The following BICRA variants were observed in gnomAD, a reference collection of about 807,000 sequenced individuals.
BICRA encodes BRD4 interacting chromatin remodeling complex associated protein.
In BICRA, 31 loss-of-function variants were observed where a neutral mutation model predicts 96.9. The observed-to-expected ratio is 0.32, with a 90% CI of 0.24 to 0.43. The LOEUF (loss-of-function observed/expected upper bound fraction) is 0.43, where lower values mean the gene tolerates loss of function less well. Ranked by LOEUF, BICRA falls within the 20% of genes least tolerant of loss-of-function variation. BICRA has a pLI of 1.00. For missense variants in BICRA, 2,283 were observed against 2,190.3 expected (o/e 1.04, Z -0.84); for synonymous variants, 1,350 against 1,071.8 (o/e 1.26, Z -5.07).
intron 1 of BICRA, among the ~76,000 whole-genome samples, chr19:47,638,915 A>T (rs955642943): frequency 6.6e-6 from 1 of 152,168 alleles, no homozygotes; most frequent in Non-Finnish European, 1.5e-5. Context: ...CTGGCCTCCC[A>T]AAGTTCTGGT....
intron 1 of BICRA, among the ~76,000 whole-genome samples, chr19:47,615,017 G>A (rs1434870531): frequency 1.3e-5 from 2 of 152,104 alleles, no homozygotes; most frequent in Non-Finnish European, 2.9e-5. Context: ...GAATCTTGCT[G>A]TGTCACCCAG....
chr19:47,694,985 GC>G lies in BICRA; in HGVS notation c.2985del (p.Ala996LeufsTer50). ...TCCACCAGCCTGGGGCCCCTCACCA[GC>G]CCCGCTGCGTCTGTGCTGGTCAGTG... ...QTSTSLGPLT[S>X]PAASVLVSGQ... On this transcript the variant is annotated frameshift_variant, in exon 9 of 15. Transcript: ENST00000594866. LOFTEE classifies it high-confidence loss of function. 1 of 1,550,624 alleles carries G rather than the reference GC, an allele frequency of 6.4e-7. No individual in the cohort carries two copies. The highest frequency in any genetic ancestry group is 8.6e-7 in the Non-Finnish European group (1 of 1,156,548).
chr19:47,659,996 G>C (rs1024957118), intron 1 of BICRA, among the ~76,000 whole-genome samples: 1 of 152,138 alleles, frequency 6.6e-6, no homozygotes, highest in Non-Finnish European at 1.5e-5. Context: ...TGTACGTATT[G>C]TATGCGTCTC....
At chr19:47,622,723 CA>C (rs756030830) in intron 1 of BICRA, among the ~76,000 whole-genome samples, 578 of 31,880 alleles carry the variant, frequency 0.018, no homozygotes, top group African/African-American at 0.054. Context: ...GACTCTGTCT[CA>C]AAAAAAAAAA....
chr19:47,639,817 T>C (rs56118459), intron 1 of BICRA, among the ~76,000 whole-genome samples: 1 of 151,446 alleles, frequency 6.6e-6, no homozygotes, highest in Admixed American at 6.6e-5. Flanking sequence ...TAATTTAAAA[T>C]TTTTTTTGTA....
intron 1 of BICRA, among the ~76,000 whole-genome samples, chr19:47,652,300 C>T (rs1424407630): frequency 6.6e-6 from 1 of 152,146 alleles, no homozygotes; most frequent in African/African-American, 2.4e-5. Context: ...ATCCTCCTAC[C>T]TCAGCCTCCT....
At position 47,664,759 on chromosome 19, in the gene BICRA, G is replaced by C. The variant is rs550565126; in HGVS notation, c.-107-5684G>C. On this transcript the variant is annotated intron_variant, in intron 1 of 14. Transcript: ENST00000594866. ...TGGCTTCTCGCTCGTGTGTGTGCCC[G>C]TGGGGGGTTGGCTGTGGCTCTGGCC... Among the ~76,000 whole-genome samples the C allele has an allele frequency of 5.3e-5, 8 of 152,322 alleles. No individual in the cohort carries two copies. The East Asian group carries it at 1.5e-3, about 29-fold the overall frequency.
In BICRA at chr19:47,694,699, G is replaced by A. The variant is rs774983258; in HGVS notation, c.2868G>A (p.Pro956=). The A allele has an allele frequency of 5.8e-6, 9 of 1,564,722 alleles. No individual in the cohort carries two copies. Among genetic ancestry groups the A allele is most frequent in the African/African-American group, 1.4e-5 (1 of 71,918 alleles). The change falls in exon 8 of 15, where the codon CCG becomes CCA. Residue 956 remains proline (P), a synonymous_variant. Transcript: ENST00000594866. Reference sequence around the variant, plus strand: ...CCCCCTTCCCAGCGCTGCCCCAGCCGAAGGCTCTTCTCGAGAGATTTCACC... The same window carrying A: ...CCCCCTTCCCAGCGCTGCCCCAGCCAAAGGCTCTTCTCGAGAGATTTCACC... ...VTTPFPALPQ[P]KALLERFHQV...
In BICRA at chr19:47,675,825, C is replaced by G; in HGVS notation, c.85-26C>G. The G allele has an allele frequency of 1.3e-6, 2 of 1,599,160 alleles. No homozygotes were observed. The highest frequency in any genetic ancestry group is 2.2e-5 in the East Asian group (1 of 44,560). On this transcript the variant is annotated intron_variant, in intron 4 of 14. Transcript: ENST00000594866. This position sits in a 1 kb window ranked among gnomAD's most constrained non-coding sequence, Gnocchi z 4.7. ...TGGGCCTGCCCTGCTGACTTTTGACCTTGGATGGGGCGGGTCTTGTTGCAG... is the reference window on the plus strand; with the variant it reads ...TGGGCCTGCCCTGCTGACTTTTGACGTTGGATGGGGCGGGTCTTGTTGCAG...
Position 47,699,388 on chromosome 19 carries a change from T to A in BICRA, c.3578T>A (p.Leu1193Gln). The change falls in exon 14 of 15, where the codon CTG (leucine) becomes CAG (glutamine). Residue 1193 changes from leucine to glutamine, a missense_variant. Coordinates refer to ENST00000594866, the MANE Select transcript of BICRA (RefSeq NM_001394372.1). The surrounding 1 kb of genome is among the most constrained non-coding windows in gnomAD (Gnocchi z 5.0). ...ACCACCCTTGCCTTGGATAAACAGCTGGCCAAGGAGAAGCCGGGTGAGAGG... is the reference window on the plus strand; with the variant it reads ...ACCACCCTTGCCTTGGATAAACAGCAGGCCAAGGAGAAGCCGGGTGAGAGG... ...EKTTLALDKQ[L>Q]AKEKPDEYVS... The A allele has an allele frequency of 6.4e-7, 1 of 1,557,274 alleles. No homozygotes were observed. Among genetic ancestry groups the A allele is most frequent in the Non-Finnish European group, 8.7e-7 (1 of 1,148,636 alleles).
chr19:47,644,975 C>CA (rs1972438147), intron 1 of BICRA, among the ~76,000 whole-genome samples: 2 of 152,336 alleles, frequency 1.3e-5, no homozygotes, highest in East Asian at 3.9e-4. Flanking sequence ...GTAGGAATGA[C>CA]ACGAACGTGC....
In BICRA at chr19:47,702,471, G is replaced by T; in HGVS notation, c.*56G>T. 1 of 1,410,794 alleles carries T rather than the reference G, an allele frequency of 7.1e-7. No individual in the cohort carries two copies. The highest frequency in any genetic ancestry group is 1.5e-5 in the South Asian group (1 of 65,664). 87.4% of individuals were successfully genotyped at this position (1,410,794 alleles called of 1,614,324 possible). On this transcript the variant is annotated 3_prime_UTR_variant, in exon 15 of 15. Coordinates refer to ENST00000594866, the MANE Select transcript of BICRA (RefSeq NM_001394372.1). ...CCTCCCGAAGACGCCGGGACAGTCG[G>T]GTGTCCGCCCTCAGCCTCCTGGGGA... is the stretch of plus-strand genomic sequence containing the variant.
chr19:47,682,844 G>A (rs1387357700), intron 7 of BICRA, among the ~76,000 whole-genome samples: 2 of 151,966 alleles, frequency 1.3e-5, no homozygotes, highest in Non-Finnish European at 2.9e-5. Context: ...GCTAATTTTT[G>A]TATTTTTAAT....
At position 47,698,920 on chromosome 19, in the gene BICRA, C is replaced by G. The variant is rs765129863; in HGVS notation, c.3398-45C>G. The G allele has an allele frequency of 6.9e-7, 1 of 1,456,568 alleles. No individual in the cohort carries two copies. Among genetic ancestry groups the G allele is most frequent in the Admixed American group, 1.9e-5 (1 of 51,458 alleles). 90.2% of individuals were successfully genotyped at this position (1,456,568 alleles called of 1,614,324 possible). On this transcript the variant is annotated intron_variant, in intron 12 of 14. Coordinates refer to ENST00000594866, the MANE Select transcript of BICRA (RefSeq NM_001394372.1). The surrounding 1 kb of genome is among the most constrained non-coding windows in gnomAD (Gnocchi z 4.8). ...CGCCCTCCTTCCTGCGCATCCGCGG[C>G]CGCCCCCAACATCTCCGCCCTTGCC...
At chr19:47,685,947 GTT>G (rs57184017) in intron 7 of BICRA, among the ~76,000 whole-genome samples, 2 of 138,636 alleles carry the variant, frequency 1.4e-5, no homozygotes, top group Non-Finnish European at 3.2e-5. Flanking sequence ...ATAAGAATTT[GTT>G]TTTTTTTTTT....
chr19:47,633,306 C>G (rs1972249552), intron 1 of BICRA, among the ~76,000 whole-genome samples: 2 of 151,914 alleles, frequency 1.3e-5, no homozygotes, highest in African/African-American at 4.8e-5. Context: ...TCTTGAGCTC[C>G]TGACCTCAAG....
chr19:47,680,880 C>G lies in BICRA; in HGVS notation c.1710C>G (p.Ser570Arg). Reference sequence around the variant, plus strand: ...CGGCGGGCAGCCTGCCCACGCAGAGCCAGCCAGCGCCCGCCGGGCCGGCCG... The same window carrying G: ...CGGCGGGCAGCCTGCCCACGCAGAGGCAGCCAGCGCCCGCCGGGCCGGCCG... ...SLAAGSLPTQ[S>R]QPAPAGPAAT... Residue 570 changes from serine (S) to arginine (R), a missense_variant, in exon 6 of 15, where the codon AGC becomes AGG. Coordinates refer to ENST00000594866, the MANE Select transcript of BICRA (RefSeq NM_001394372.1). The G allele has an allele frequency of 1.4e-6, 2 of 1,476,342 alleles. No individual in the cohort carries two copies. 91.5% of individuals were successfully genotyped at this position (1,476,342 alleles called of 1,614,324 possible). A position where few individuals can be genotyped will look rare whatever the true frequency, so the allele number is the denominator to read the frequency against.
intron 11 of BICRA, among the ~76,000 whole-genome samples, chr19:47,697,028 C>A (rs1325244824): frequency 6.6e-6 from 1 of 151,776 alleles, no homozygotes; most frequent in Admixed American, 6.6e-5. Context: ...GTTCTTTGAG[C>A]CAGAATCTTA....
chr19:47,619,384 G>A (rs1358084037), intron 1 of BICRA, among the ~76,000 whole-genome samples: 1 of 151,670 alleles, frequency 6.6e-6, no homozygotes, highest in Non-Finnish European at 1.5e-5. Flanking sequence ...TCAGCCTTCC[G>A]AGTAGCTGGG....
Sources: gnomAD v4.1 joint callset for allele counts (sites outside exome capture counted in the v4.1 genomes callset) on GRCh38, gnomAD v4.1.1 for gene constraint, Gnocchi (gnomAD v3.1) non-coding constraint, MANE v1.5 for transcripts, NCBI Gene and HGNC (gene_info 2026-07-23, HGNC 2026-07-21) for gene names.